Variants in SLC24A2 observed in about 807,000 individuals in gnomAD.
SLC24A2 encodes sodium/potassium/calcium exchanger 2.
Under a neutral mutation model 62.0 loss-of-function variants are expected in SLC24A2, and 36 were observed. The ratio of observed to expected loss-of-function variants is 0.58; its 90% confidence interval spans 0.44 to 0.77. The LOEUF (loss-of-function observed/expected upper bound fraction) is 0.77. Ranked by LOEUF, SLC24A2 falls within the 30% of genes least tolerant of loss-of-function variation. The pLI is 0.00. For synonymous variants in SLC24A2, 358 were observed against 294.0 expected, an observed-to-expected ratio of 1.22 and a Z score of -2.23; for missense variants, 846 against 817.9, an observed-to-expected ratio of 1.03 and a Z score of -0.42.
chr9:19,807,303 G>C, the SLC24A2 span, among the ~76,000 whole-genome samples: 2 of 152,178 alleles, frequency 1.3e-5, no homozygotes, highest in African/African-American at 4.8e-5. Flanking sequence ...TAAGAACTTG[G>C]CTTTTGCCAT....
At chr9:20,261,231 G>C in the SLC24A2 span, among the ~76,000 whole-genome samples, 1 of 152,022 alleles carries the variant, frequency 6.6e-6, no homozygotes, top group African/African-American at 2.4e-5. Flanking sequence ...ACAATGTCTG[G>C]TTTTCCATTC....
rs373147569 is a variant in SLC24A2 at position 19,541,750 on chromosome 9, G to C, written c.1479+8387C>G. Among the ~76,000 whole-genome samples, 127 of 148,334 alleles carry C rather than the reference G, an allele frequency of 8.6e-4. 3 individuals carry two copies. The East Asian group carries it at 0.022, about 26-fold the overall frequency. On this transcript the variant is annotated intron_variant, in intron 8 of 10. Coordinates refer to ENST00000341998, the MANE Select transcript of SLC24A2 (RefSeq NM_020344.4). ...GGGCTCCACCCAGTTCGAGCTTCCC[G>C]GCTGCTTTGTTTACCTAAGCAAGCC...
At chr9:20,186,244 G>C in the SLC24A2 span, among the ~76,000 whole-genome samples, 3 of 152,090 alleles carry the variant, frequency 2.0e-5, no homozygotes, top group Non-Finnish European at 4.4e-5. Flanking sequence ...TCTCTACCTA[G>C]TGCCATATTC....
chr9:19,781,857 C>T (rs1823029642), intron 2 of SLC24A2, among the ~76,000 whole-genome samples: 1 of 152,176 alleles, frequency 6.6e-6, no homozygotes, highest in African/African-American at 2.4e-5. Context: ...TATACTTATA[C>T]AATTATTTAT....
At chr9:20,019,082 A>G in the SLC24A2 span, among the ~76,000 whole-genome samples, 54 of 107,236 alleles carry the variant, frequency 5.0e-4, 1 homozygote, top group African/African-American at 1.8e-3. Context: ...ACAGAGAAAG[A>G]GAGAAAGAAA....
At chr9:19,559,941 G>A (rs947114050) in intron 7 of SLC24A2, among the ~76,000 whole-genome samples, 2 of 152,128 alleles carry the variant, frequency 1.3e-5, no homozygotes, top group African/African-American at 4.8e-5. Context: ...CTACTGGGTT[G>A]TGGATCATTT....
At chr9:20,182,399 T>C in the SLC24A2 span, among the ~76,000 whole-genome samples, 4,857 of 152,290 alleles carry the variant, frequency 0.032, 171 homozygotes, top group African/African-American at 0.086. Flanking sequence ...TGTCCATCAA[T>C]GATAGACTGG....
chr9:19,703,642 T>C (rs1411184982), intron 2 of SLC24A2, among the ~76,000 whole-genome samples: 3 of 152,248 alleles, frequency 2.0e-5, no homozygotes, highest in East Asian at 3.9e-4. Context: ...TGTTGAAGGG[T>C]GGATAAAATT....
the SLC24A2 span, among the ~76,000 whole-genome samples, chr9:20,301,285 A>G: frequency 5.9e-5 from 9 of 152,170 alleles, no homozygotes; most frequent in African/African-American, 2.2e-4. Flanking sequence ...AAGACTGGCA[A>G]TTGCTTCACA....
chr9:19,829,021 T>C, the SLC24A2 span, among the ~76,000 whole-genome samples: 1 of 152,178 alleles, frequency 6.6e-6, no homozygotes, highest in Non-Finnish European at 1.5e-5. Flanking sequence ...GCTTCCTCTC[T>C]CATACTTTTA....
chr9:20,159,408 A>AC, the SLC24A2 span, among the ~76,000 whole-genome samples: 1 of 151,728 alleles, frequency 6.6e-6, no homozygotes, highest in South Asian at 2.1e-4. Flanking sequence ...AGATTTTTTT[A>AC]CCCTTGGCCC....
chr9:20,242,142 T>C, the SLC24A2 span, among the ~76,000 whole-genome samples: 2 of 152,166 alleles, frequency 1.3e-5, no homozygotes, highest in African/African-American at 2.4e-5. Flanking sequence ...TGACATTCTT[T>C]TTCCTGCCCC....
At chr9:19,559,059 T>G (rs749398327) in intron 7 of SLC24A2, among the ~76,000 whole-genome samples, 1 of 152,232 alleles carries the variant, frequency 6.6e-6, no homozygotes, top group Non-Finnish European at 1.5e-5. Context: ...ATGGTTGTTA[T>G]AAAATTAACT....
At chr9:19,917,109 T>A in the SLC24A2 span, among the ~76,000 whole-genome samples, 1 of 151,014 alleles carries the variant, frequency 6.6e-6, no homozygotes, top group Non-Finnish European at 1.5e-5. Flanking sequence ...AATTTTGTAT[T>A]TTCTTTAACT....
At chr9:20,080,932 C>T in the SLC24A2 span, among the ~76,000 whole-genome samples, 1 of 152,106 alleles carries the variant, frequency 6.6e-6, no homozygotes, top group South Asian at 2.1e-4. Context: ...AATGAGATAA[C>T]ATCTCACACC....
the SLC24A2 span, among the ~76,000 whole-genome samples, chr9:19,994,053 T>C: frequency 0.031 from 4,755 of 152,300 alleles, 231 homozygotes; most frequent in African/African-American, 0.1. Flanking sequence ...GAAGTTCACA[T>C]AGCTGGCAGG....
the SLC24A2 span, among the ~76,000 whole-genome samples, chr9:19,892,704 T>C: frequency 1.3e-5 from 2 of 152,208 alleles, no homozygotes; most frequent in Non-Finnish European, 2.9e-5. Flanking sequence ...CTGTTGTTTT[T>C]TTTTTCATGC....
intron 5 of SLC24A2, among the ~76,000 whole-genome samples, chr9:19,580,395 C>G (rs1836166489): frequency 2.0e-5 from 3 of 152,250 alleles, no homozygotes; most frequent in Admixed American, 2.0e-4. Context: ...CAGAGCCTGA[C>G]AAACCAGATT....
the SLC24A2 span, among the ~76,000 whole-genome samples, chr9:20,073,874 G>C: frequency 4.8e-5 from 4 of 82,796 alleles, no homozygotes; most frequent in African/African-American, 2.1e-4. Context: ...GTATATGTGC[G>C]TGTATATATA....
Sources: allele counts gnomAD v4.1 joint callset (sites outside exome capture counted in the v4.1 genomes callset), GRCh38; gene constraint gnomAD v4.1.1; transcripts MANE v1.5; gene names NCBI Gene and HGNC (gene_info 2026-07-23, HGNC 2026-07-21).